JARID2: variants seen among roughly 807,000 people sequenced by gnomAD.
JARID2 encodes jumonji and AT-rich interaction domain containing 2, also known as protein Jumonji.
JARID2 carries 21 observed loss-of-function variants against 125.6 expected under a neutral mutation model. The observed-to-expected ratio is 0.17, with a 90% CI of 0.12 to 0.24. JARID2 has a LOEUF of 0.24. JARID2 is among the 10% of genes least tolerant of loss of function. The probability of loss-of-function intolerance (pLI) is 1.00; values close to 1 mark genes in which losing one functional copy is unlikely to be tolerated. For missense variants in JARID2, 1,303 were observed against 1,639.6 expected (o/e 0.79, Z 3.55); for synonymous variants, 736 against 661.6 (o/e 1.11, Z -1.73).
At chr6:15,293,670 T>C (rs1033543258) in intron 1 of JARID2, among the ~76,000 whole-genome samples, 4 of 152,230 alleles carry the variant, frequency 2.6e-5, no homozygotes, top group African/African-American at 9.6e-5. Context: ...CTAAGAATGG[T>C]CCTTGAGACT....
intron 1 of JARID2, among the ~76,000 whole-genome samples, chr6:15,283,397 A>G (rs201021107): frequency 2.8e-5 from 4 of 142,014 alleles, no homozygotes; most frequent in African/African-American, 5.4e-5. Flanking sequence ...CTGGAGCACA[A>G]TAGCGTGATC....
intron 3 of JARID2, among the ~76,000 whole-genome samples, chr6:15,437,393 CCCTTGG>C (rs1167646827): frequency 6.6e-6 from 1 of 152,152 alleles, no homozygotes; most frequent in Non-Finnish European, 1.5e-5. Flanking sequence ...ACACCATGAA[CCCTTGG>C]CCTCAGCTCC....
chr6:15,419,462 G>A (rs983293827), intron 3 of JARID2, among the ~76,000 whole-genome samples: 2 of 152,102 alleles, frequency 1.3e-5, no homozygotes, highest in Non-Finnish European at 2.9e-5. Context: ...TTTGTTTCTA[G>A]TATCATTTGC....
Position 15,486,806 on chromosome 6 carries a change from C to CTTTTTTTTTTTTTTTTTTTTTT in JARID2, c.671-483_671-482insTTTTTTTTTTTTTTTTTTTTTT, listed in dbSNP as rs56268949. Among the ~76,000 whole-genome samples the CTTTTTTTTTTTTTTTTTTTTTT allele has an allele frequency of 2.8e-4, 28 of 100,522 alleles. 5 individuals are homozygous for CTTTTTTTTTTTTTTTTTTTTTT. The highest frequency in any genetic ancestry group is 1.2e-3 in the African/African-American group (25 of 20,918). The allele number at this position is 100,522 out of a possible 152,430, so 65.9% of individuals were successfully genotyped here. A position where few individuals can be genotyped will look rare whatever the true frequency, so the allele number is the denominator to read the frequency against. Reference sequence around the variant, plus strand: ...CATCTCTTTTAAATCTGAGAATAGACTTTTTTTTTTTTTTTTTTGAGACAG... The same window carrying CTTTTTTTTTTTTTTTTTTTTTT: ...CATCTCTTTTAAATCTGAGAATAGACTTTTTTTTTTTTTTTTTTTTTTTTTTTTTTTTTTTTTTTTGAGACAG... On this transcript the variant is annotated intron_variant, in intron 5 of 17. Coordinates refer to ENST00000341776, the MANE Select transcript of JARID2 (RefSeq NM_004973.4).
At chr6:15,440,497 G>A (rs1264660760) in intron 3 of JARID2, among the ~76,000 whole-genome samples, 1 of 152,242 alleles carries the variant, frequency 6.6e-6, no homozygotes, top group African/African-American at 2.4e-5. Flanking sequence ...CCTGAAATAT[G>A]GTACCATGTG....
At chr6:15,494,933 CG>C (rs1219142195) in intron 6 of JARID2, among the ~76,000 whole-genome samples, 14 of 152,186 alleles carry the variant, frequency 9.2e-5, no homozygotes, top group Non-Finnish European at 1.9e-4. Flanking sequence ...ACCTTCCTCT[CG>C]GGCTGTTGGG....
chr6:15,506,834 G>A (rs62396138), intron 9 of JARID2, among the ~76,000 whole-genome samples: 9,268 of 152,256 alleles, frequency 0.061, 365 homozygotes, highest in East Asian at 0.092. Context: ...TGGTATGGAC[G>A]GAGTAGATTT....
At chr6:15,431,372 A>T (rs1234039560) in intron 3 of JARID2, among the ~76,000 whole-genome samples, 1 of 152,186 alleles carries the variant, frequency 6.6e-6, no homozygotes, top group South Asian at 2.1e-4. Flanking sequence ...TATGTCTCAT[A>T]AACGATGCCT....
At chr6:15,475,671 A>T (rs573954260) in intron 5 of JARID2, among the ~76,000 whole-genome samples, 1 of 152,222 alleles carries the variant, frequency 6.6e-6, no homozygotes, top group South Asian at 2.1e-4. Context: ...AATAGAAGCA[A>T]AACACGAGCT....
At chr6:15,291,831 A>G (rs752276408) in intron 1 of JARID2, among the ~76,000 whole-genome samples, 13 of 152,142 alleles carry the variant, frequency 8.5e-5, no homozygotes, top group Non-Finnish European at 1.9e-4. Flanking sequence ...CCTTCCATTC[A>G]AATATTTTTG....
chr6:15,469,247 G>A (rs1205091702), intron 5 of JARID2, among the ~76,000 whole-genome samples: 1 of 149,906 alleles, frequency 6.7e-6, no homozygotes, highest in African/African-American at 2.5e-5. Flanking sequence ...TATAGAAAGT[G>A]CCTAGTGGTC....
intron 3 of JARID2, among the ~76,000 whole-genome samples, chr6:15,423,508 C>G (rs996431926): frequency 6.6e-6 from 1 of 152,034 alleles, no homozygotes; most frequent in African/African-American, 2.4e-5. Context: ...GCAAGTTGTT[C>G]CTGAGTCATG....
At chr6:15,318,441 T>C (rs556052730) in intron 1 of JARID2, among the ~76,000 whole-genome samples, 1 of 152,344 alleles carries the variant, frequency 6.6e-6, no homozygotes, top group African/African-American at 2.4e-5. Flanking sequence ...ATAGTTTCCA[T>C]GTCCAGCAAG....
chr6:15,377,891 T>C (rs375278218), intron 2 of JARID2, among the ~76,000 whole-genome samples: 45 of 57,388 alleles, frequency 7.8e-4, no homozygotes, highest in Non-Finnish European at 7.3e-4. Context: ...TCTTCTTCTT[T>C]TTTTTTTTTC....
chr6:15,323,074 TCA>T (rs1317257650), intron 1 of JARID2, among the ~76,000 whole-genome samples: 15 of 152,236 alleles, frequency 9.9e-5, no homozygotes, highest in African/African-American at 3.6e-4. Context: ...TTACTTTTCC[TCA>T]CAACATTCTG....
chr6:15,331,365 C>CA (rs1284927159), intron 1 of JARID2, among the ~76,000 whole-genome samples: 2 of 150,188 alleles, frequency 1.3e-5, no homozygotes, highest in South Asian at 2.1e-4. Context: ...ACAAAAAAAA[C>CA]AAAAAACCTG....
At chr6:15,360,433 T>C (rs1405024070) in intron 1 of JARID2, among the ~76,000 whole-genome samples, 1 of 152,114 alleles carries the variant, frequency 6.6e-6, no homozygotes, top group Non-Finnish European at 1.5e-5. Context: ...TCTGCCCGCC[T>C]CGGCCTCCGA....
At chr6:15,384,946 A>G (rs755758703) in intron 2 of JARID2, among the ~76,000 whole-genome samples, 9 of 152,142 alleles carry the variant, frequency 5.9e-5, no homozygotes, top group Non-Finnish European at 1.0e-4. Flanking sequence ...CCACGTTGTC[A>G]TACTTTCTAG....
At chr6:15,249,116 C>A (rs1314578939) in intron 1 of JARID2, among the ~76,000 whole-genome samples, 2 of 152,228 alleles carry the variant, frequency 1.3e-5, no homozygotes, top group East Asian at 3.8e-4. Context: ...TGTTGCATTA[C>A]TAGCGTGGTG....
Sources: allele counts gnomAD v4.1 joint callset (sites outside exome capture counted in the v4.1 genomes callset), GRCh38; gene constraint gnomAD v4.1.1; transcripts MANE v1.5; gene names NCBI Gene and HGNC (gene_info 2026-07-23, HGNC 2026-07-21).